VSNL1: variants seen among roughly 807,000 people sequenced by gnomAD.
VSNL1 encodes the protein visinin like 1.
VSNL1 carries 6 observed loss-of-function variants against 20.4 expected under a neutral mutation model. That is an observed-to-expected ratio of 0.29 (90% CI 0.16 to 0.58). The LOEUF is 0.58. VSNL1 is among the 20% of genes least tolerant of loss of function. VSNL1 has a pLI of 0.90. For missense variants in VSNL1, 100 were observed against 234.5 expected, an observed-to-expected ratio of 0.43 and a Z score of 3.75; for synonymous variants, 93 against 86.4, an observed-to-expected ratio of 1.08 and a Z score of -0.42.
chr2:17,602,431 A>G (rs1351411228), intron 2 of VSNL1, among the ~76,000 whole-genome samples: 1 of 152,122 alleles, frequency 6.6e-6, no homozygotes, highest in Admixed American at 6.6e-5. Context: ...CTATTTTACG[A>G]CCAACTTTCC....
intron 2 of VSNL1, among the ~76,000 whole-genome samples, chr2:17,638,636 T>G (rs1040997380): frequency 6.6e-6 from 1 of 152,098 alleles, no homozygotes; most frequent in Non-Finnish European, 1.5e-5. Flanking sequence ...GGCGCTGGAG[T>G]CCAAGCTGCC....
At chr2:17,571,006 A>C (rs1664069187) in intron 1 of VSNL1, among the ~76,000 whole-genome samples, 1 of 152,144 alleles carries the variant, frequency 6.6e-6, no homozygotes, top group Non-Finnish European at 1.5e-5. Context: ...AGCCTGGGGA[A>C]CAGAGCAAGA....
intron 2 of VSNL1, among the ~76,000 whole-genome samples, chr2:17,648,091 A>T (rs1000639837): frequency 2.0e-5 from 3 of 152,224 alleles, no homozygotes; most frequent in African/African-American, 4.8e-5. Context: ...GTGATTTGTT[A>T]TATAGGAATA....
chr2:17,612,636 G>GCCCATC (rs1393167025), intron 2 of VSNL1, among the ~76,000 whole-genome samples: 1 of 152,156 alleles, frequency 6.6e-6, no homozygotes, highest in Non-Finnish European at 1.5e-5. Flanking sequence ...ACCTGATGGG[G>GCCCATC]CCCATCCCTC....
intron 1 of VSNL1, 144 bp downstream of exon 1, chr2:17,541,062 C>A (rs771140527): frequency 7.4e-6 from 1 of 134,340 alleles, no homozygotes; most frequent in Non-Finnish European, 1.5e-5. Flanking sequence ...TTAATGCTGG[C>A]GATCTGAATG....
chr2:17,577,947 C>T (rs1664256471), intron 1 of VSNL1, among the ~76,000 whole-genome samples: 1 of 152,162 alleles, frequency 6.6e-6, no homozygotes, highest in African/African-American at 2.4e-5. Context: ...CTCGGTAAGC[C>T]TCATTCACCT....
intron 1 of VSNL1, among the ~76,000 whole-genome samples, chr2:17,587,348 A>AACACACACACACACAC (rs67537461): frequency 2.0e-4 from 27 of 134,660 alleles, no homozygotes; most frequent in African/African-American, 7.2e-4. Flanking sequence ...GGCTGAGGGC[A>AACACACACACACACAC]ACACACACAC....
At chr2:17,558,222 C>T (rs1031254398) in intron 1 of VSNL1, among the ~76,000 whole-genome samples, 1 of 152,122 alleles carries the variant, frequency 6.6e-6, no homozygotes, top group Non-Finnish European at 1.5e-5. Flanking sequence ...ATCAAATGAG[C>T]ATAGTATCAT....
At chr2:17,570,974 C>T (rs753167835) in intron 1 of VSNL1, among the ~76,000 whole-genome samples, 25 of 151,828 alleles carry the variant, frequency 1.6e-4, no homozygotes, top group Admixed American at 9.8e-4. Flanking sequence ...TGCAGTAAGC[C>T]GAGATTGCGC....
At chr2:17,602,552 G>T (rs959901277) in intron 2 of VSNL1, among the ~76,000 whole-genome samples, 2 of 152,242 alleles carry the variant, frequency 1.3e-5, no homozygotes, top group South Asian at 4.1e-4. Context: ...AGACCAGCCT[G>T]GCCAACACGG....
At chr2:17,588,619 CATTT>C (rs1043165150) in intron 1 of VSNL1, among the ~76,000 whole-genome samples, 1 of 152,222 alleles carries the variant, frequency 6.6e-6, no homozygotes. Context: ...CACTTTCATT[CATTT>C]ATCACACATT....
At chr2:17,629,829 A>G (rs991925856) in intron 2 of VSNL1, among the ~76,000 whole-genome samples, 2 of 152,224 alleles carry the variant, frequency 1.3e-5, no homozygotes, top group African/African-American at 4.8e-5. Context: ...TTATTGAGCA[A>G]TGAAACAGCT....
chr2:17,597,219 T>C (rs947772184), intron 2 of VSNL1, among the ~76,000 whole-genome samples: 1 of 152,222 alleles, frequency 6.6e-6, no homozygotes, highest in African/African-American at 2.4e-5. Context: ...CTGTGTCCCC[T>C]AAGCACAAAC....
intron 1 of VSNL1, among the ~76,000 whole-genome samples, chr2:17,542,303 C>G (rs1431668890): frequency 6.6e-6 from 1 of 151,944 alleles, no homozygotes; most frequent in Non-Finnish European, 1.5e-5. Flanking sequence ...TTTAATAACC[C>G]CAGAAAATGC....
chr2:17,637,750 C>T (rs1370967426), intron 2 of VSNL1, among the ~76,000 whole-genome samples: 1 of 152,222 alleles, frequency 6.6e-6, no homozygotes, highest in African/African-American at 2.4e-5. Context: ...AGGAGATCTG[C>T]TCTGGCCCAC....
chr2:17,644,744 C>T (rs548907503), intron 2 of VSNL1, among the ~76,000 whole-genome samples: 54 of 152,288 alleles, frequency 3.5e-4, no homozygotes, highest in Non-Finnish European at 4.9e-4. Flanking sequence ...CCTTGTTCCA[C>T]GAGACACACT....
At chr2:17,553,657 A>G (rs1247936985) in intron 1 of VSNL1, among the ~76,000 whole-genome samples, 1 of 152,244 alleles carries the variant, frequency 6.6e-6, no homozygotes, top group Non-Finnish European at 1.5e-5. Context: ...AATGGACTAT[A>G]TGTCAGAACC....
intron 2 of VSNL1, among the ~76,000 whole-genome samples, chr2:17,647,082 G>A (rs2103427746): frequency 6.6e-6 from 1 of 152,300 alleles, no homozygotes; most frequent in South Asian, 2.1e-4. Flanking sequence ...TAGACCTTCT[G>A]CAAGACACAT....
At chr2:17,565,031 T>G (rs1663904658) in intron 1 of VSNL1, among the ~76,000 whole-genome samples, 1 of 152,184 alleles carries the variant, frequency 6.6e-6, no homozygotes, top group Non-Finnish European at 1.5e-5. Context: ...TTAGCAAAAT[T>G]TTTAGAGTTA....
Sources: gnomAD v4.1 joint callset for allele counts (sites outside exome capture counted in the v4.1 genomes callset) on GRCh38, gnomAD v4.1.1 for gene constraint, MANE v1.5 for transcripts, NCBI Gene and HGNC (gene_info 2026-07-23, HGNC 2026-07-21) for gene names.